Variants in HMG20A observed in about 807,000 individuals in gnomAD.
The protein encoded by HMG20A is high mobility group 20A, also known as high mobility group protein 20A.
Under a neutral mutation model 43.9 loss-of-function variants are expected in HMG20A, and 17 were observed. That is an observed-to-expected ratio of 0.39 (90% CI 0.27 to 0.58). HMG20A has a LOEUF of 0.58. Ranked by LOEUF, HMG20A falls within the 20% of genes least tolerant of loss-of-function variation. The pLI is 0.59. For missense variants in HMG20A, 341 were observed against 438.2 expected (o/e 0.78, Z 1.98); for synonymous variants, 132 against 147.5 (o/e 0.89, Z 0.76).
rs2072921589 is a variant in HMG20A, at chr15:77,483,467, T to C, written c.*504T>C. On this transcript the variant is annotated 3_prime_UTR_variant, in exon 10 of 10. Coordinates refer to ENST00000336216, the MANE Select transcript of HMG20A (RefSeq NM_001304504.2). ...TCCATTTTCTGACCTCTGGACTAAC[T>C]GGTTGCTCAGCAAGGTTCTGAAGGA... is the stretch of plus-strand genomic sequence containing the variant. 6.5e-6 allele frequency: 1 copy of C among 152,726 alleles called. No individual in the cohort carries two copies. The highest frequency in any genetic ancestry group is 1.5e-5 in the Non-Finnish European group (1 of 68,098). 9.5% of individuals were successfully genotyped at this position (152,726 alleles called of 1,614,324 possible). A position where few individuals can be genotyped will look rare whatever the true frequency, so the allele number is the denominator to read the frequency against.
intron 1 of HMG20A, among the ~76,000 whole-genome samples, chr15:77,427,712 CA>C (rs1183472611): frequency 2.6e-5 from 4 of 151,252 alleles, no homozygotes; most frequent in Admixed American, 6.6e-5. Context: ...TTATTCAGCT[CA>C]AAAAAAAATT....
chr15:77,432,814 C>T (rs2073501462), intron 1 of HMG20A, among the ~76,000 whole-genome samples: 1 of 149,268 alleles, frequency 6.7e-6, no homozygotes, highest in Admixed American at 6.7e-5. Flanking sequence ...AATGCATAGA[C>T]CTCTAGCAAT....
the HMG20A span, among the ~76,000 whole-genome samples, chr15:77,507,997 A>G: frequency 6.6e-6 from 1 of 152,002 alleles, no homozygotes; most frequent in Non-Finnish European, 1.5e-5. Flanking sequence ...CTTGAAAAAA[A>G]GCCTCCCTAA....
chr15:77,477,575 A>G lies in HMG20A; in HGVS notation c.636A>G (p.Glu212=), dbSNP rs544722090. ...CACAGAAAGAAACAGAGGTAAAGGA[A>G]CGGTCTGTTTTTGACATCCCTATAT... ...HDHEKETEVK[E]RSVFDIPIFT... Residue 212 remains glutamate (E), a synonymous_variant, in exon 7 of 10, where the codon GAA becomes GAG. Coordinates refer to ENST00000336216, the MANE Select transcript of HMG20A (RefSeq NM_001304504.2). 89 of 1,611,612 alleles carry G rather than the reference A, an allele frequency of 5.5e-5. 1 individual carries two copies. The South Asian group carries it at 8.4e-4, about 15-fold the overall frequency.
In HMG20A at chr15:77,471,013, A is replaced by AC; in HGVS notation, c.556dup (p.Arg186ProfsTer8). ...AAGGTCTTCAGTAGGAAAACCCAGG[A>AC]CCGTCAGAAAGGCAAATCTCATAGG... On this transcript the variant is annotated frameshift_variant, in exon 5 of 10. Coordinates refer to ENST00000336216, the MANE Select transcript of HMG20A (RefSeq NM_001304504.2). LOFTEE classifies it high-confidence loss of function. The AC allele has an allele frequency of 6.2e-7, 1 of 1,612,406 alleles. No individual in the cohort carries two copies. The highest frequency in any genetic ancestry group is 8.5e-7 in the Non-Finnish European group (1 of 1,179,504).
intron 1 of HMG20A, among the ~76,000 whole-genome samples, chr15:77,441,353 C>T (rs938681088): frequency 6.6e-6 from 1 of 152,094 alleles, no homozygotes; most frequent in African/African-American, 2.4e-5. Flanking sequence ...TGTTTGTGTA[C>T]ATATATGTTT....
intron 1 of HMG20A, among the ~76,000 whole-genome samples, chr15:77,451,581 A>G (rs981351492): frequency 6.6e-6 from 1 of 152,226 alleles, no homozygotes; most frequent in Non-Finnish European, 1.5e-5. Context: ...TTCGAGAGAC[A>G]CAGAACCTAT....
At chr15:77,449,625 T>C (rs1463150226) in intron 1 of HMG20A, among the ~76,000 whole-genome samples, 1 of 152,166 alleles carries the variant, frequency 6.6e-6, no homozygotes, top group African/African-American at 2.4e-5. Flanking sequence ...ATATATAATA[T>C]GGCAATTTTA....
chr15:77,452,466 T>C (rs1484325080), intron 1 of HMG20A, among the ~76,000 whole-genome samples: 2 of 152,116 alleles, frequency 1.3e-5, no homozygotes, highest in Non-Finnish European at 2.9e-5. Flanking sequence ...AGAAGACACA[T>C]CTAAGATGAG....
downstream of HMG20A, among the ~76,000 whole-genome samples, chr15:77,489,542 C>A (rs1329446584): frequency 6.6e-6 from 1 of 152,162 alleles, no homozygotes; most frequent in Non-Finnish European, 1.5e-5. Context: ...AGAAATTGTT[C>A]TGGGTCCTAG....
At chr15:77,446,082 C>T (rs908963134) in intron 1 of HMG20A, among the ~76,000 whole-genome samples, 1 of 152,140 alleles carries the variant, frequency 6.6e-6, no homozygotes, top group East Asian at 1.9e-4. Flanking sequence ...GATTTTCAAA[C>T]GTGTAAGGAC....
At chr15:77,453,834 T>A (rs1225492484) in intron 1 of HMG20A, among the ~76,000 whole-genome samples, 2 of 152,074 alleles carry the variant, frequency 1.3e-5, no homozygotes, top group Non-Finnish European at 2.9e-5. Flanking sequence ...CCACATATTG[T>A]ATGATTCTAT....
intron 1 of HMG20A, among the ~76,000 whole-genome samples, chr15:77,442,460 C>T (rs140123630): frequency 6.6e-6 from 1 of 152,248 alleles, no homozygotes; most frequent in African/African-American, 2.4e-5. Flanking sequence ...CTTGTCCTGG[C>T]CTCGTGCAAT....
In HMG20A at chr15:77,471,961, G is replaced by A. The variant is rs944588088; in HGVS notation, c.615+147G>A. 7 of 525,796 alleles carry A rather than the reference G, an allele frequency of 1.3e-5. No homozygotes were observed. The African/African-American group carries it at 1.4e-4, about 11-fold the overall frequency. The allele number at this position is 525,796 out of a possible 1,614,324, so 32.6% of individuals were successfully genotyped here. A position where few individuals can be genotyped will look rare whatever the true frequency, so the allele number is the denominator to read the frequency against. Reference sequence around the variant, plus strand: ...TTAAATGAGATACTTTAGCTTGGGGGTTCTTAGCATATGGCAGACACTTAC... The same window carrying A: ...TTAAATGAGATACTTTAGCTTGGGGATTCTTAGCATATGGCAGACACTTAC... On this transcript the variant is annotated intron_variant, in intron 6 of 9. Coordinates refer to ENST00000336216, the MANE Select transcript of HMG20A (RefSeq NM_001304504.2).
chr15:77,471,716 G>A (rs2072810571), intron 5 of HMG20A, 67 bp from the exon 6 acceptor site: 6 of 957,464 alleles, frequency 6.3e-6, no homozygotes, highest in African/African-American at 3.3e-5. Flanking sequence ...TGGCAGAGTC[G>A]TATACTTGGG....
chr15:77,477,541 C>G lies in HMG20A; in HGVS notation c.616-14C>G. On this transcript the variant is annotated splice_polypyrimidine_tract_variant and intron_variant, in intron 6 of 9. Transcript: ENST00000336216. ...CTATTAAGAATTAACTGTTTTGTTC[C>G]TCTTGATTCACAGAAAGAAACAGAG... 3 of 1,579,362 alleles carry G rather than the reference C, an allele frequency of 1.9e-6. No homozygotes were observed. The highest frequency in any genetic ancestry group is 2.6e-6 in the Non-Finnish European group (3 of 1,150,078).
chr15:77,439,054 A>G (rs1183360073), intron 1 of HMG20A, among the ~76,000 whole-genome samples: 3 of 152,100 alleles, frequency 2.0e-5, no homozygotes, highest in African/African-American at 7.2e-5. Flanking sequence ...CAGCCTCCCA[A>G]AGTGCTGGGA....
At chr15:77,506,393 G>A in the HMG20A span, among the ~76,000 whole-genome samples, 2 of 152,106 alleles carry the variant, frequency 1.3e-5, no homozygotes, top group Non-Finnish European at 2.9e-5. Context: ...CGATGAAGCC[G>A]CCGATGCCCC....
At chr15:77,471,960 G>A (rs923818821) in intron 6 of HMG20A, 146 bp downstream of exon 6, 1 of 527,962 alleles carries the variant, frequency 1.9e-6, no homozygotes, top group Admixed American at 3.9e-5. Flanking sequence ...TTAGCTTGGG[G>A]GTTCTTAGCA....
Sources: allele counts gnomAD v4.1 joint callset (sites outside exome capture counted in the v4.1 genomes callset), GRCh38; gene constraint gnomAD v4.1.1; transcripts MANE v1.5; gene names NCBI Gene and HGNC (gene_info 2026-07-23, HGNC 2026-07-21).